FRMPD4: variants seen among roughly 807,000 people sequenced by gnomAD.
FRMPD4 encodes FERM and PDZ domain containing 4.
In FRMPD4, 22 loss-of-function variants were observed where a neutral mutation model predicts 94.1. The observed-to-expected ratio is 0.23, with a 90% CI of 0.17 to 0.33. The LOEUF is 0.33. Among genes scored for constraint, FRMPD4 ranks in the 10% least tolerant of loss-of-function variants. The pLI is 1.00. For synonymous variants in FRMPD4, 631 were observed against 548.6 expected (o/e 1.15, Z -2.10); for missense variants, 1,111 against 1,339.9 (o/e 0.83, Z 2.67).
intron 3 of FRMPD4, among the ~76,000 whole-genome samples, chrX:11,961,700 T>C (rs1386629716): frequency 1.8e-5 from 2 of 110,407 alleles, no homozygotes; most frequent in Non-Finnish European, 3.8e-5. Flanking sequence ...AGATTTTGAG[T>C]GTGAGTCAAA....
intron 1 of FRMPD4, among the ~76,000 whole-genome samples, chrX:12,384,352 C>CA (rs776000609): frequency 2.7e-5 from 3 of 110,362 alleles, no homozygotes; most frequent in Non-Finnish European, 3.8e-5. Flanking sequence ...CGTATCTCAC[C>CA]AAAAAAAATT....
At chrX:11,853,474 A>G (rs765251254) in intron 1 of FRMPD4, among the ~76,000 whole-genome samples, 81 of 111,486 alleles carry the variant, frequency 7.3e-4, no homozygotes, top group African/African-American at 2.5e-3. Context: ...TTAAAAATAT[A>G]TATTGCTAAC....
At chrX:12,653,597 G>A (rs1039589849) in intron 4 of FRMPD4, among the ~76,000 whole-genome samples, 2 of 111,155 alleles carry the variant, frequency 1.8e-5, no homozygotes, top group South Asian at 7.6e-4. Flanking sequence ...TTTGAAAACC[G>A]CTAATCAATC....
Position 12,096,729 on chromosome X carries a change from T to G in FRMPD4, c.95+218711T>G, listed in dbSNP as rs767704181. ...GCAAGACCCGATTTCTCAAAAAATT[T>G]TTTAACAATTAGCTGGACATGGTTG... is the stretch of plus-strand genomic sequence containing the variant. On this transcript the variant is annotated intron_variant, in intron 3 of 18. Coordinates refer to the FRMPD4 transcript ENST00000640291. Among the ~76,000 whole-genome samples the G allele has an allele frequency of 2.7e-5, 3 of 111,067 alleles. No individual in the cohort carries two copies. In the South Asian group the frequency reaches 1.2e-3, roughly 43 times the overall value.
At chrX:12,445,780 C>T (rs2057187936) in intron 1 of FRMPD4, among the ~76,000 whole-genome samples, 1 of 112,290 alleles carries the variant, frequency 8.9e-6, no homozygotes. Flanking sequence ...TTATTATGTA[C>T]TTTTTTATTA....
At chrX:11,856,325 A>G (rs2053653498) in intron 1 of FRMPD4, among the ~76,000 whole-genome samples, 1 of 112,008 alleles carries the variant, frequency 8.9e-6, no homozygotes, top group Admixed American at 9.5e-5. Flanking sequence ...TGGAAAACTG[A>G]AACCAGCAGC....
intron 1 of FRMPD4, among the ~76,000 whole-genome samples, chrX:11,844,747 T>C (rs898424933): frequency 1.8e-5 from 2 of 112,408 alleles, no homozygotes; most frequent in Non-Finnish European, 3.8e-5. Flanking sequence ...TATAAATTAA[T>C]GTTTTAATCA....
At chrX:12,354,735 G>A (rs2055868890) in intron 1 of FRMPD4, among the ~76,000 whole-genome samples, 1 of 111,919 alleles carries the variant, frequency 8.9e-6, no homozygotes, top group African/African-American at 3.2e-5. Flanking sequence ...TTTTTTTCAA[G>A]TAGCTGTATA....
Position 12,373,863 on chromosome X carries a change from C to T in FRMPD4, c.42-124817C>T, listed in dbSNP as rs757392158. ...CACAAAGCTGTCCGCTTTCCAAAGG[C>T]GGAACGGAGGGTTCCGGGTTCGCTT... On this transcript the variant is annotated intron_variant, in intron 1 of 16. Transcript: ENST00000675598. Among the ~76,000 whole-genome samples, 10 of 112,191 alleles carry T rather than the reference C, an allele frequency of 8.9e-5. No homozygotes were observed. The South Asian group carries it at 3.7e-3, about 42-fold the overall frequency.
intron 3 of FRMPD4, among the ~76,000 whole-genome samples, chrX:12,053,305 T>C (rs1393529633): frequency 2.0e-5 from 2 of 100,544 alleles, no homozygotes; most frequent in East Asian, 6.1e-4. Context: ...TATCAGTGTA[T>C]TCCAGCCTGG....
chrX:11,964,309 G>A (rs756143523), intron 3 of FRMPD4, among the ~76,000 whole-genome samples: 2 of 110,194 alleles, frequency 1.8e-5, no homozygotes, highest in East Asian at 5.7e-4. Flanking sequence ...ACACGTGCCC[G>A]CCACCACACC....
chrX:11,848,685 C>T (rs764098730), intron 1 of FRMPD4, among the ~76,000 whole-genome samples: 2 of 110,561 alleles, frequency 1.8e-5, no homozygotes, highest in South Asian at 3.8e-4. Context: ...GGATGATCCA[C>T]TTCTAGGAAC....
chrX:12,667,396 G>C (rs763102854), intron 4 of FRMPD4, among the ~76,000 whole-genome samples: 1 of 112,259 alleles, frequency 8.9e-6, no homozygotes, highest in East Asian at 2.8e-4. Flanking sequence ...CATGATGACT[G>C]TTAAATTAGT....
chrX:12,221,197 T>C (rs763164541), intron 1 of FRMPD4, among the ~76,000 whole-genome samples: 1 of 112,461 alleles, frequency 8.9e-6, no homozygotes, highest in East Asian at 2.8e-4. Context: ...TGATATTTCA[T>C]TGGAAGCAAG....
At chrX:12,671,835 C>T (rs1318908098) in intron 4 of FRMPD4, among the ~76,000 whole-genome samples, 1 of 111,445 alleles carries the variant, frequency 9.0e-6, no homozygotes, top group Non-Finnish European at 1.9e-5. Context: ...CCCGCATTGT[C>T]CACTTATAAC....
At chrX:12,049,877 A>T (rs1348786648) in intron 3 of FRMPD4, among the ~76,000 whole-genome samples, 3 of 111,639 alleles carry the variant, frequency 2.7e-5, no homozygotes, top group African/African-American at 9.7e-5. Flanking sequence ...TAATAAAAAA[A>T]GTTTAAAAAG....
chrX:11,849,696 A>G (rs1013548769), intron 1 of FRMPD4, among the ~76,000 whole-genome samples: 2 of 104,610 alleles, frequency 1.9e-5, no homozygotes, highest in African/African-American at 7.6e-5. Context: ...TTTTTTTTCC[A>G]ACAAGTGGTA....
chrX:12,335,004 G>A (rs925795579), intron 1 of FRMPD4, among the ~76,000 whole-genome samples: 4 of 111,804 alleles, frequency 3.6e-5, no homozygotes, highest in Non-Finnish European at 5.6e-5. Context: ...CTTTTTGAAA[G>A]TCAGGGTTCC....
At chrX:12,038,005 A>G (rs2054729641) in intron 3 of FRMPD4, among the ~76,000 whole-genome samples, 1 of 111,986 alleles carries the variant, frequency 8.9e-6, no homozygotes, top group Non-Finnish European at 1.9e-5. Context: ...GTATGGATGT[A>G]CTACAATTTA....
Sources: gnomAD v4.1 joint callset for allele counts (sites outside exome capture counted in the v4.1 genomes callset) on GRCh38, gnomAD v4.1.1 for gene constraint, MANE v1.5 for transcripts, NCBI Gene and HGNC (gene_info 2026-07-23, HGNC 2026-07-21) for gene names.